The following LHFPL3 variants were observed in gnomAD, a reference collection of about 807,000 sequenced individuals.
LHFPL3 encodes LHFPL tetraspan subfamily member 3 protein.
LHFPL3 carries 5 observed loss-of-function variants against 19.3 expected under a neutral mutation model. That is an observed-to-expected ratio of 0.26 (90% CI 0.14 to 0.54). The LOEUF is 0.54. Among genes scored for constraint, LHFPL3 ranks in the 20% least tolerant of loss-of-function variants. The pLI is 0.94. For synonymous variants in LHFPL3, 133 were observed against 126.2 expected (o/e 1.05, Z -0.36); for missense variants, 249 against 307.4 (o/e 0.81, Z 1.42).
chr7:104,376,368 T>C (rs1219613184), intron 1 of LHFPL3, among the ~76,000 whole-genome samples: 1 of 152,120 alleles, frequency 6.6e-6, no homozygotes, highest in African/African-American at 2.4e-5. Flanking sequence ...TTTCAATAAA[T>C]AAAGGGTAGA....
At chr7:104,355,955 A>T (rs1490189674) in intron 1 of LHFPL3, among the ~76,000 whole-genome samples, 2 of 152,250 alleles carry the variant, frequency 1.3e-5, no homozygotes, top group Non-Finnish European at 2.9e-5. Flanking sequence ...ATAAATTTTC[A>T]TCTTTATATC....
intron 1 of LHFPL3, among the ~76,000 whole-genome samples, chr7:104,413,596 G>C (rs559001558): frequency 6.6e-6 from 1 of 152,296 alleles, no homozygotes; most frequent in East Asian, 1.9e-4. Flanking sequence ...AATGGAACCA[G>C]GTCGTCTGGC....
At chr7:104,732,592 G>T (rs1192370337) in intron 1 of LHFPL3, among the ~76,000 whole-genome samples, 3 of 151,956 alleles carry the variant, frequency 2.0e-5, no homozygotes, top group Non-Finnish European at 4.4e-5. Context: ...ATTTTCTATT[G>T]CATCTATTTG....
chr7:104,351,053 A>AG (rs1250836624), intron 1 of LHFPL3, among the ~76,000 whole-genome samples: 1 of 151,840 alleles, frequency 6.6e-6, no homozygotes, highest in Non-Finnish European at 1.5e-5. Flanking sequence ...AAAAAAAAAA[A>AG]AAGGAAAGAA....
At position 104,668,658 on chromosome 7, in the gene LHFPL3, C is replaced by T. The variant is rs138148476; in HGVS notation, c.446-68017C>T. The T allele has an allele frequency of 2.6e-4, 413 of 1,610,630 alleles. 3 individuals carry two copies. The African/African-American group carries it at 4.8e-3, about 19-fold the overall frequency. On this transcript the variant is annotated intron_variant, in intron 1 of 2. Transcript: ENST00000424859. Reference sequence around the variant, plus strand: ...AGACCAATATGACAGACGGGATGATCGGTCGTGGAGCTCCAGAGATGATTA... The same window carrying T: ...AGACCAATATGACAGACGGGATGATTGGTCGTGGAGCTCCAGAGATGATTA...
chr7:104,606,866 A>C lies in LHFPL3; in HGVS notation c.446-129809A>C, dbSNP rs148073991. ...AAGGTGTGGAAAATGGTCCTCAGGCACTGAGTCCGTCTCTGGGTGAGGCTA... is the reference window on the plus strand; with the variant it reads ...AAGGTGTGGAAAATGGTCCTCAGGCCCTGAGTCCGTCTCTGGGTGAGGCTA... On this transcript the variant is annotated intron_variant, in intron 1 of 2. Coordinates refer to ENST00000424859, the MANE Select transcript of LHFPL3 (RefSeq NM_199000.3). Among the ~76,000 whole-genome samples the C allele has an allele frequency of 2.0e-5, 3 of 152,112 alleles. No individual in the cohort carries two copies. The East Asian group carries it at 5.8e-4, about 29-fold the overall frequency.
At chr7:104,805,332 T>C (rs558833599) in intron 2 of LHFPL3, among the ~76,000 whole-genome samples, 1 of 152,344 alleles carries the variant, frequency 6.6e-6, no homozygotes, top group South Asian at 2.1e-4. Context: ...CTAAAGGGTA[T>C]ACAAGCATTT....
chr7:104,478,046 T>G (rs1793058902), intron 1 of LHFPL3, among the ~76,000 whole-genome samples: 1 of 152,254 alleles, frequency 6.6e-6, no homozygotes, highest in African/African-American at 2.4e-5. Flanking sequence ...ACAATAAGCA[T>G]TAAAATGTTA....
chr7:104,594,667 G>A (rs1237659162), intron 1 of LHFPL3, among the ~76,000 whole-genome samples: 1 of 152,138 alleles, frequency 6.6e-6, no homozygotes, highest in Non-Finnish European at 1.5e-5. Context: ...ATCACTTTCA[G>A]GTACACCAAT....
chr7:104,690,846 G>A (rs1792892973), intron 1 of LHFPL3, among the ~76,000 whole-genome samples: 2 of 152,236 alleles, frequency 1.3e-5, no homozygotes, highest in African/African-American at 4.8e-5. Context: ...ATAGGAGAAA[G>A]CTCTGCAATA....
At chr7:104,428,542 A>T (rs7785837) in intron 1 of LHFPL3, among the ~76,000 whole-genome samples, 31,971 of 151,110 alleles carry the variant, frequency 0.21, 3,752 homozygotes, top group Admixed American at 0.34. Context: ...TTGATGTTGA[A>T]CCTAGAATTT....
chr7:104,575,446 AC>A (rs1562939412), intron 1 of LHFPL3, among the ~76,000 whole-genome samples: 1 of 151,892 alleles, frequency 6.6e-6, no homozygotes, highest in Non-Finnish European at 1.5e-5. Context: ...GACGCTTCTG[AC>A]CATAAAATTC....
chr7:104,699,380 T>C (rs929572380), intron 1 of LHFPL3, among the ~76,000 whole-genome samples: 1 of 152,220 alleles, frequency 6.6e-6, no homozygotes, highest in African/African-American at 2.4e-5. Context: ...GCCAGGACAC[T>C]TTTACACATG....
chr7:104,874,887 C>A (rs1272314689), intron 2 of LHFPL3, among the ~76,000 whole-genome samples: 2 of 151,386 alleles, frequency 1.3e-5, no homozygotes, highest in East Asian at 1.9e-4. Flanking sequence ...CACTCTGTCA[C>A]CCAGGCTGGA....
intron 1 of LHFPL3, among the ~76,000 whole-genome samples, chr7:104,370,897 A>G: frequency 6.6e-6 from 1 of 152,208 alleles, no homozygotes; most frequent in Non-Finnish European, 1.5e-5. Flanking sequence ...AAAGATGAGG[A>G]TATTGAGGCA....
At chr7:104,823,806 GA>G (rs924571701) in intron 2 of LHFPL3, among the ~76,000 whole-genome samples, 2 of 151,786 alleles carry the variant, frequency 1.3e-5, no homozygotes, top group Admixed American at 6.6e-5. Flanking sequence ...CACTAAGCTG[GA>G]AAAAAAGAGA....
intron 1 of LHFPL3, among the ~76,000 whole-genome samples, chr7:104,553,377 TA>T (rs1333441687): frequency 6.6e-6 from 1 of 152,176 alleles, no homozygotes; most frequent in African/African-American, 2.4e-5. Flanking sequence ...TCCATTTTAA[TA>T]AAAAGTTATA....
At chr7:104,601,331 C>T (rs1048379271) in intron 1 of LHFPL3, among the ~76,000 whole-genome samples, 2 of 151,966 alleles carry the variant, frequency 1.3e-5, no homozygotes, top group Admixed American at 1.3e-4. Flanking sequence ...TTTTAAGATC[C>T]AAATTTATCT....
At chr7:104,751,165 T>C (rs1200503380) in intron 2 of LHFPL3, among the ~76,000 whole-genome samples, 1 of 84,524 alleles carries the variant, frequency 1.2e-5, no homozygotes, top group African/African-American at 3.8e-5. Flanking sequence ...ATTCTGAGAT[T>C]ACATCTGATC....
Sources: gnomAD v4.1 joint callset for allele counts (sites outside exome capture counted in the v4.1 genomes callset) on GRCh38, gnomAD v4.1.1 for gene constraint, MANE v1.5 for transcripts, NCBI Gene and HGNC (gene_info 2026-07-23, HGNC 2026-07-21) for gene names.